Variants in SMARCC1 observed in about 807,000 individuals in gnomAD.
The protein encoded by SMARCC1 is SWI/SNF related BAF chromatin remodeling complex subunit C1, also known as SWI/SNF complex subunit SMARCC1.
A neutral mutation model predicts 147.4 loss-of-function variants in SMARCC1; 43 were observed. The observed-to-expected ratio is 0.29, with a 90% confidence interval of 0.23 to 0.38. The LOEUF (loss-of-function observed/expected upper bound fraction) is 0.38. Ranked by LOEUF, SMARCC1 falls within the 10% of genes least tolerant of loss-of-function variation. SMARCC1 has a pLI of 1.00. For missense variants in SMARCC1, 1,119 were observed against 1,381.1 expected (o/e 0.81, Z 3.01); for synonymous variants, 495 against 484.4 (o/e 1.02, Z -0.29).
intron 17 of SMARCC1, among the ~76,000 whole-genome samples, 176 bp downstream of exon 17, chr3:47,676,451 CTA>C (rs879562104): frequency 6.6e-6 from 1 of 152,114 alleles, no homozygotes; most frequent in African/African-American, 2.4e-5. Context: ...AACTTAAACA[CTA>C]TATATTCTTT....
chr3:47,668,449 G>A (rs544343499), intron 19 of SMARCC1, among the ~76,000 whole-genome samples: 6 of 151,960 alleles, frequency 3.9e-5, no homozygotes, highest in South Asian at 4.2e-4. Flanking sequence ...TTCATCTATC[G>A]TATACATTCC....
At chr3:47,628,061 T>TA (rs1559629191) in intron 24 of SMARCC1, among the ~76,000 whole-genome samples, 5 of 151,766 alleles carry the variant, frequency 3.3e-5, no homozygotes, top group African/African-American at 9.7e-5. Flanking sequence ...ATATATATAT[T>TA]TTTTCTTTCA....
chr3:47,647,427 G>C (rs2033131788), intron 21 of SMARCC1, among the ~76,000 whole-genome samples: 1 of 152,156 alleles, frequency 6.6e-6, no homozygotes, highest in African/African-American at 2.4e-5. Context: ...AGGTAGACTA[G>C]GCTAAGTTAC....
At chr3:47,720,117 T>C (rs940311659) in intron 7 of SMARCC1, among the ~76,000 whole-genome samples, 3 of 151,978 alleles carry the variant, frequency 2.0e-5, no homozygotes, top group Non-Finnish European at 2.9e-5. Context: ...ATAAAAGATA[T>C]GAGGTTTTGT....
chr3:47,677,419 A>C (rs1327733542), intron 16 of SMARCC1, among the ~76,000 whole-genome samples: 1 of 134,444 alleles, frequency 7.4e-6, no homozygotes, highest in Admixed American at 7.6e-5. Flanking sequence ...TTTTTTTTTA[A>C]TTTCGGCAGA....
chr3:47,717,801 A>G (rs1380891492), intron 7 of SMARCC1, among the ~76,000 whole-genome samples: 1 of 152,062 alleles, frequency 6.6e-6, no homozygotes, highest in Non-Finnish European at 1.5e-5. Context: ...TCCTGGCCTC[A>G]AGTGATCCAC....
intron 3 of SMARCC1, among the ~76,000 whole-genome samples, chr3:47,744,585 T>C (rs549626959): frequency 2.6e-5 from 4 of 152,258 alleles, no homozygotes; most frequent in Non-Finnish European, 5.9e-5. Context: ...AATATATAAA[T>C]TACATGTGTA....
At chr3:47,752,238 A>G (rs1469874550) in intron 2 of SMARCC1, among the ~76,000 whole-genome samples, 2 of 152,226 alleles carry the variant, frequency 1.3e-5, no homozygotes, top group Non-Finnish European at 2.9e-5. Context: ...AAAAAAGCTC[A>G]GTAGCACAAT....
intron 2 of SMARCC1, among the ~76,000 whole-genome samples, chr3:47,750,081 C>A (rs868249026): frequency 9.0e-4 from 73 of 80,920 alleles, no homozygotes; most frequent in South Asian, 1.3e-3. Context: ...GAGTCCATCT[C>A]AAAAAAAAAA....
intron 21 of SMARCC1, among the ~76,000 whole-genome samples, chr3:47,650,396 G>T (rs917126329): frequency 2.6e-5 from 4 of 151,310 alleles, no homozygotes; most frequent in Non-Finnish European, 5.9e-5. Context: ...AGGTATACAA[G>T]ATTTCACTGT....
chr3:47,694,593 C>G (rs1486193195), intron 11 of SMARCC1, among the ~76,000 whole-genome samples: 1 of 152,204 alleles, frequency 6.6e-6, no homozygotes, highest in East Asian at 1.9e-4. Context: ...GAGCGAGACT[C>G]AGTCTCAAAA....
chr3:47,641,838 C>T (rs1411338799), intron 21 of SMARCC1, among the ~76,000 whole-genome samples: 1 of 152,092 alleles, frequency 6.6e-6, no homozygotes, highest in Non-Finnish European at 1.5e-5. Context: ...AGTGGCGAGA[C>T]ATAGCTCACT....
chr3:47,589,520 T>C (rs1258368785), intron 27 of SMARCC1, among the ~76,000 whole-genome samples: 1 of 152,184 alleles, frequency 6.6e-6, no homozygotes, highest in Non-Finnish European at 1.5e-5. Flanking sequence ...AACATTTTCT[T>C]GCCAAGAAAA....
At chr3:47,699,550 C>T (rs574467618) in intron 11 of SMARCC1, among the ~76,000 whole-genome samples, 1 of 152,048 alleles carries the variant, frequency 6.6e-6, no homozygotes, top group South Asian at 2.1e-4. Flanking sequence ...ATATATACAT[C>T]CAGTGCCCAT....
chr3:47,701,181 C>A (rs1210883508), intron 11 of SMARCC1, 97 bp downstream of exon 11: 2 of 980,830 alleles, frequency 2.0e-6, no homozygotes, highest in Non-Finnish European at 3.1e-6. Flanking sequence ...ACTTGAAAGT[C>A]GAGAACTGTG....
At chr3:47,665,404 TTA>T (rs2033408516) in intron 19 of SMARCC1, among the ~76,000 whole-genome samples, 1 of 152,232 alleles carries the variant, frequency 6.6e-6, no homozygotes. Flanking sequence ...TGGGGCTGTA[TTA>T]TGTTTCTAAT....
chr3:47,758,978 T>C (rs1043321371), intron 2 of SMARCC1, among the ~76,000 whole-genome samples: 1 of 150,116 alleles, frequency 6.7e-6, no homozygotes, highest in African/African-American at 2.4e-5. Context: ...GATCGCACCA[T>C]TGCACTCCAG....
chr3:47,737,492 T>C (rs1377595088), intron 4 of SMARCC1, among the ~76,000 whole-genome samples: 1 of 152,172 alleles, frequency 6.6e-6, no homozygotes, highest in Non-Finnish European at 1.5e-5. Flanking sequence ...TATCTCACCA[T>C]AAATTTTAAT....
intron 18 of SMARCC1, among the ~76,000 whole-genome samples, chr3:47,671,199 C>CAAAAAAAAAAAAAA (rs1431984849): frequency 2.3e-5 from 1 of 42,788 alleles, no homozygotes; most frequent in African/African-American, 8.1e-5. Flanking sequence ...AAAAAAAAAA[C>CAAAAAAAAAAAAAA]ACACACAAAA....
Sources: gnomAD v4.1 joint callset for allele counts (sites outside exome capture counted in the v4.1 genomes callset) on GRCh38, gnomAD v4.1.1 for gene constraint, MANE v1.5 for transcripts, NCBI Gene and HGNC (gene_info 2026-07-23, HGNC 2026-07-21) for gene names.